Variants in SLC9A9 observed in about 807,000 individuals in gnomAD.
SLC9A9 encodes the protein solute carrier family 9 member A9.
A neutral mutation model predicts 77.8 loss-of-function variants in SLC9A9; 62 were observed. The observed-to-expected ratio is 0.80, with a 90% CI of 0.65 to 0.98. SLC9A9 has a LOEUF of 0.98. SLC9A9 is among the 50% of genes least tolerant of loss of function. The pLI, the probability that SLC9A9 is intolerant of heterozygous loss-of-function variation, is 0.00. For missense variants in SLC9A9, 775 were observed against 774.9 expected (o/e 1.00, Z 0.00); for synonymous variants, 320 against 283.5 (o/e 1.13, Z -1.29).
At position 143,755,418 on chromosome 3, in the gene SLC9A9, G is replaced by T. The variant is rs542408710; in HGVS notation, c.533+39583C>A. On this transcript the variant is annotated intron_variant, in intron 4 of 15. Coordinates refer to ENST00000316549, the MANE Select transcript of SLC9A9 (RefSeq NM_173653.4). ...ACAGGCATCTCACAGCAAGGAGGAG[G>T]TTCACACATCACATCCAAGGACACA... Among the ~76,000 whole-genome samples the T allele has an allele frequency of 2.4e-4, 37 of 152,280 alleles. 2 individuals are homozygous for T. In the South Asian group the frequency reaches 7.7e-3, roughly 32 times the overall value.
chr3:143,321,335 G>T (rs2031412804), intron 14 of SLC9A9, among the ~76,000 whole-genome samples: 1 of 152,204 alleles, frequency 6.6e-6, no homozygotes, highest in Admixed American at 6.5e-5. Context: ...TTATCATAGT[G>T]GTAACAGATT....
At position 143,427,577 on chromosome 3, in the gene SLC9A9, C is replaced by A. The variant is rs185074792; in HGVS notation, c.1469+39460G>T. ...CATTATATGCAATTTTTAAAAAAAT[C>A]ATGGGATGTGGGGCATATAGAAAAT... On this transcript the variant is annotated intron_variant, in intron 12 of 15. Transcript: ENST00000316549. 8.5e-5 allele frequency among the ~76,000 whole-genome samples: 13 copies of A among 152,250 alleles called. 1 individual carries two copies. In the East Asian group the frequency reaches 2.5e-3, roughly 29 times the overall value.
chr3:143,838,389 AG>A (rs1383378376), intron 1 of SLC9A9, among the ~76,000 whole-genome samples: 1 of 152,172 alleles, frequency 6.6e-6, no homozygotes, highest in East Asian at 1.9e-4. Flanking sequence ...GGCACAGCAG[AG>A]GACTGGAGAG....
intron 11 of SLC9A9, among the ~76,000 whole-genome samples, chr3:143,483,422 G>A (rs2165360): frequency 0.24 from 36,517 of 151,956 alleles, 4,566 homozygotes; most frequent in East Asian, 0.36. Flanking sequence ...CTCACTAAAG[G>A]CCTTTCTCAC....
chr3:143,493,959 A>C (rs2108591166), intron 10 of SLC9A9, among the ~76,000 whole-genome samples, 195 bp from the exon 11 acceptor site: 1 of 152,360 alleles, frequency 6.6e-6, no homozygotes, highest in Non-Finnish European at 1.5e-5. Context: ...GAAATAATAG[A>C]GAACTCTGCC....
At chr3:143,454,478 T>C (rs981996815) in intron 12 of SLC9A9, among the ~76,000 whole-genome samples, 5 of 152,198 alleles carry the variant, frequency 3.3e-5, no homozygotes, top group African/African-American at 7.2e-5. Flanking sequence ...CTATGATCCA[T>C]TTTGAGTCAA....
intron 6 of SLC9A9, among the ~76,000 whole-genome samples, chr3:143,643,122 A>C (rs960355622): frequency 1.2e-4 from 19 of 152,158 alleles, no homozygotes; most frequent in African/African-American, 4.3e-4. Context: ...ATTTTCAGAA[A>C]AGATTCTGTT....
In SLC9A9 at chr3:143,839,157, C is replaced by T. The variant is rs111446922; in HGVS notation, c.176-6936G>A. Among the ~76,000 whole-genome samples the T allele has an allele frequency of 3.7e-3, 567 of 152,180 alleles. 5 individuals are homozygous for T. The highest frequency in any genetic ancestry group is 0.013 in the African/African-American group (545 of 41,504). On this transcript the variant is annotated intron_variant, in intron 1 of 15. Transcript: ENST00000316549. ...AGTTTGTTCTTTCTCTGTTCTCCCA[C>T]CAACCTTTTAAATTAAAAAAACTAA...
chr3:143,332,518 C>T (rs2031804123), intron 14 of SLC9A9, among the ~76,000 whole-genome samples: 1 of 152,180 alleles, frequency 6.6e-6, no homozygotes. Context: ...CAATAGGAAA[C>T]TGTTTAATAG....
At chr3:143,328,515 A>C (rs1157972493) in intron 14 of SLC9A9, among the ~76,000 whole-genome samples, 1 of 152,104 alleles carries the variant, frequency 6.6e-6, no homozygotes. Flanking sequence ...GATAACCCTA[A>C]CTGTGTTTGA....
intron 14 of SLC9A9, among the ~76,000 whole-genome samples, chr3:143,279,581 C>G (rs552423235): frequency 1.3e-5 from 2 of 152,096 alleles, no homozygotes; most frequent in Admixed American, 1.3e-4. Flanking sequence ...CACCACTCAA[C>G]GGGCCCCAGT....
intron 4 of SLC9A9, among the ~76,000 whole-genome samples, chr3:143,735,501 C>T (rs1024942832): frequency 2.0e-5 from 3 of 152,102 alleles, no homozygotes; most frequent in African/African-American, 7.2e-5. Context: ...CCCAGGGCAA[C>T]GAGTCCTGTG....
chr3:143,662,072 T>C (rs1206663264), intron 5 of SLC9A9, among the ~76,000 whole-genome samples: 1 of 152,174 alleles, frequency 6.6e-6, no homozygotes, highest in Non-Finnish European at 1.5e-5. Context: ...TAGTTACAAT[T>C]GAAAAATCTC....
At chr3:143,840,860 A>G (rs1336608240) in intron 1 of SLC9A9, among the ~76,000 whole-genome samples, 1 of 152,188 alleles carries the variant, frequency 6.6e-6, no homozygotes, top group African/African-American at 2.4e-5. Flanking sequence ...TTAAGTCATA[A>G]GTTTTCTGAG....
At chr3:143,512,279 G>T (rs554865057) in intron 9 of SLC9A9, among the ~76,000 whole-genome samples, 1 of 152,266 alleles carries the variant, frequency 6.6e-6, no homozygotes, top group African/African-American at 2.4e-5. Flanking sequence ...GTTGAACTGA[G>T]CAATTACACT....
intron 12 of SLC9A9, among the ~76,000 whole-genome samples, chr3:143,391,141 C>A (rs2033555867): frequency 6.6e-6 from 1 of 152,242 alleles, no homozygotes; most frequent in Non-Finnish European, 1.5e-5. Flanking sequence ...TGAGAACAGA[C>A]AGATATGCCT....
At chr3:143,517,753 GA>G in intron 9 of SLC9A9, 1 of 1,598,158 alleles carries the variant, frequency 6.3e-7, no homozygotes, top group Non-Finnish European at 8.5e-7. Flanking sequence ...TCTGTAATTT[GA>G]CGAAGACACT....
At chr3:143,274,074 T>C (rs1479647027) in intron 14 of SLC9A9, among the ~76,000 whole-genome samples, 1 of 152,216 alleles carries the variant, frequency 6.6e-6, no homozygotes, top group East Asian at 1.9e-4. Flanking sequence ...ACAAAATGAA[T>C]ACTCAATGTT....
chr3:143,778,500 G>A (rs561162238), intron 4 of SLC9A9, among the ~76,000 whole-genome samples: 58 of 152,182 alleles, frequency 3.8e-4, no homozygotes, highest in South Asian at 8.3e-4. Context: ...AAGCAAAGAC[G>A]GTTTTCAGAA....
Sources: gnomAD v4.1 joint callset for allele counts (sites outside exome capture counted in the v4.1 genomes callset) on GRCh38, gnomAD v4.1.1 for gene constraint, MANE v1.5 for transcripts, NCBI Gene and HGNC (gene_info 2026-07-23, HGNC 2026-07-21) for gene names.